Variants in VPS13C observed in about 807,000 individuals in gnomAD.
The protein encoded by VPS13C is intermembrane lipid transfer protein VPS13C.
Under a neutral mutation model 456.8 loss-of-function variants are expected in VPS13C, and 358 were observed. The observed-to-expected ratio is 0.78, with a 90% confidence interval of 0.72 to 0.86. The LOEUF is 0.86. Ranked by LOEUF, VPS13C falls within the 40% of genes least tolerant of loss-of-function variation. VPS13C has a pLI of 0.00. For missense variants in VPS13C, 4,818 were observed against 4,385.4 expected, an observed-to-expected ratio of 1.10 and a Z score of -2.79; for synonymous variants, 1,578 against 1,486.7, an observed-to-expected ratio of 1.06 and a Z score of -1.41.
chr15:62,001,111 G>A (rs1306422828), intron 15 of VPS13C, among the ~76,000 whole-genome samples: 1 of 152,156 alleles, frequency 6.6e-6, no homozygotes, highest in African/African-American at 2.4e-5. Flanking sequence ...AAAAGTACGT[G>A]GGGGAATCCA....
chr15:61,864,490 A>G, intron 81 of VPS13C: 3 of 823,702 alleles, frequency 3.6e-6, no homozygotes, highest in Non-Finnish European at 4.4e-6. Context: ...ACATAAATAT[A>G]CTGAATAAAT....
Position 61,984,833 on chromosome 15 carries a change from T to G in VPS13C, c.1721+24A>C, listed in dbSNP as rs777562391. ...TAAAACTATAACTAAAAGTAAAAATTGAAATAAGTTTTTAAAAACTTACTT... is the reference window on the plus strand; with the variant it reads ...TAAAACTATAACTAAAAGTAAAAATGGAAATAAGTTTTTAAAAACTTACTT... On this transcript the variant is annotated intron_variant, in intron 19 of 84. Coordinates refer to ENST00000644861, the MANE Select transcript of VPS13C (RefSeq NM_020821.3). The G allele has an allele frequency of 4.4e-6, 7 of 1,608,078 alleles. No homozygotes were observed. In the East Asian group the frequency reaches 1.3e-4, roughly 31 times the overall value.
At chr15:61,882,549 G>A (rs1429293151) in intron 69 of VPS13C, 47 bp downstream of exon 69, 6 of 1,430,256 alleles carry the variant, frequency 4.2e-6, no homozygotes, top group Non-Finnish European at 5.5e-6. Flanking sequence ...TCATTCCCAA[G>A]ATTCCCAAAG....
chr15:61,926,218 G>C (rs777713225), intron 52 of VPS13C, among the ~76,000 whole-genome samples: 2 of 152,068 alleles, frequency 1.3e-5, no homozygotes, highest in Non-Finnish European at 2.9e-5. Context: ...GCACAATATA[G>C]CAAGACCCCC....
chr15:62,046,404 C>A (rs922746749), intron 1 of VPS13C, among the ~76,000 whole-genome samples: 3 of 152,118 alleles, frequency 2.0e-5, no homozygotes, highest in African/African-American at 7.2e-5. Flanking sequence ...ATTATATATG[C>A]ACTAAAATTA....
chr15:61,891,566 T>C (rs2042651964), intron 66 of VPS13C, among the ~76,000 whole-genome samples: 1 of 152,220 alleles, frequency 6.6e-6, no homozygotes, highest in East Asian at 1.9e-4. Context: ...ATCTGACTCT[T>C]GTTTTTCATC....
Position 61,972,735 on chromosome 15 carries a change from C to T in VPS13C, c.2647G>A (p.Asp883Asn), listed in dbSNP as rs754790950. 1.9e-6 allele frequency: 3 copies of T among 1,612,282 alleles called. No homozygotes were observed. The highest frequency in any genetic ancestry group is 2.2e-5 in the East Asian group (1 of 44,842). ...ESDDEYFDAEDGEPQTCKSMK... is the reference protein window; with the variant it reads ...ESDDEYFDAENGEPQTCKSMK... ...CTTTTACAAGTCTGTGGTTCTCCAT[C>T]TTCAGCATCAAAATACTCATCATCA... is the stretch of plus-strand genomic sequence containing the variant. The change falls in exon 27 of 85, where the codon GAT (aspartate) becomes AAT (asparagine). Residue 883 changes from aspartate to asparagine, a missense_variant. Transcript: ENST00000644861.
At chr15:62,028,278 T>C in intron 6 of VPS13C, 80 bp downstream of exon 6, 3 of 1,454,386 alleles carry the variant, frequency 2.1e-6, no homozygotes, top group Non-Finnish European at 2.9e-6. Flanking sequence ...TGGCATGCCA[T>C]CAAATGGACT....
At chr15:62,058,010 C>G (rs2048856790) in intron 1 of VPS13C, among the ~76,000 whole-genome samples, 1 of 152,064 alleles carries the variant, frequency 6.6e-6, no homozygotes, top group Non-Finnish European at 1.5e-5. Context: ...GTAAATATGG[C>G]ATAATATTAT....
chr15:62,058,897 A>G (rs184070021), intron 1 of VPS13C, among the ~76,000 whole-genome samples: 36 of 150,264 alleles, frequency 2.4e-4, no homozygotes, highest in Admixed American at 2.3e-3. Context: ...AGCCTTGGCA[A>G]CAGAGCAAGT....
chr15:61,880,167 C>T (rs532113937), intron 73 of VPS13C, among the ~76,000 whole-genome samples: 1 of 152,162 alleles, frequency 6.6e-6, no homozygotes, highest in East Asian at 1.9e-4. Context: ...ATCCAATTTT[C>T]CACTCCCTTA....
intron 61 of VPS13C, among the ~76,000 whole-genome samples, chr15:61,913,748 CAT>C (rs1485573377): frequency 6.6e-6 from 1 of 152,100 alleles, no homozygotes; most frequent in African/African-American, 2.4e-5. Flanking sequence ...AGACTTATGA[CAT>C]AGAGCTAACA....
In VPS13C at chr15:61,910,208, T is replaced by C; in HGVS notation, c.8813A>G (p.Asp2938Gly). The change falls in exon 64 of 85, where the codon GAT becomes GGT. Residue 2938 changes from aspartate to glycine, a missense_variant. By Grantham distance (94) the Asp-to-Gly change is moderately conservative. This residue lies in a region of VPS13C where 4,552 missense variants were observed against 4,130.6 expected (regional missense o/e 1.10). Transcript: ENST00000644861. ...TTCTAAGCTCAATAAAGTGCCATTA[T>C]CCTGTCGGTTATAAAAGAATGGTTT... ...SSKPFFYNRQDNGTLLSLEDL... is the reference protein window; with the variant it reads ...SSKPFFYNRQGNGTLLSLEDL... 2 of 1,478,732 alleles carry C rather than the reference T, an allele frequency of 1.4e-6. No homozygotes were observed. Among genetic ancestry groups the C allele is most frequent in the Non-Finnish European group, 1.8e-6 (2 of 1,105,482 alleles). 91.6% of individuals were successfully genotyped at this position (1,478,732 alleles called of 1,614,324 possible).
intron 1 of VPS13C, among the ~76,000 whole-genome samples, chr15:62,059,408 G>A (rs2048914026): frequency 6.6e-6 from 1 of 152,164 alleles, no homozygotes. Flanking sequence ...ACCTTTTGTG[G>A]AGTGAGAAAG....
Position 61,967,350 on chromosome 15 carries a change from T to C in VPS13C, c.2991+18A>G, listed in dbSNP as rs373619952. 1.3e-6 allele frequency: 2 copies of C among 1,582,578 alleles called. No homozygotes were observed. The highest frequency in any genetic ancestry group is 2.7e-5 in the African/African-American group (2 of 73,204). ...TTTGGAGTAAACAATAAATATATAA[T>C]CATTCTATAGCCCTTACCTTAATAT... On this transcript the variant is annotated intron_variant, in intron 29 of 84. Transcript: ENST00000644861.
intron 66 of VPS13C, among the ~76,000 whole-genome samples, chr15:61,905,064 G>A (rs2043115546): frequency 1.3e-5 from 2 of 152,104 alleles, no homozygotes; most frequent in South Asian, 4.1e-4. Context: ...GTGTTAGCTA[G>A]TACAGTAGGG....
At chr15:61,928,277 A>G (rs1299225031) in intron 51 of VPS13C, among the ~76,000 whole-genome samples, 1 of 152,160 alleles carries the variant, frequency 6.6e-6, no homozygotes. Flanking sequence ...ATAAGTATAT[A>G]TTATATTGCA....
intron 67 of VPS13C, among the ~76,000 whole-genome samples, chr15:61,885,193 C>T (rs962180072): frequency 6.6e-6 from 1 of 152,096 alleles, no homozygotes. Context: ...GAGATTCAAA[C>T]ATTAGCTGTC....
Position 61,920,553 on chromosome 15 carries a change from G to C in VPS13C, c.7157C>G (p.Thr2386Arg). The C allele has an allele frequency of 1.3e-6, 2 of 1,578,378 alleles. No homozygotes were observed. The highest frequency in any genetic ancestry group is 1.7e-6 in the Non-Finnish European group (2 of 1,168,300). The change falls in exon 56 of 85, where the codon ACA (threonine) becomes AGA (arginine). Residue 2386 changes from threonine to arginine, a missense_variant. Physicochemically the swap from Thr to Arg is moderately conservative, Grantham distance 71. This residue lies in a region of VPS13C where 4,552 missense variants were observed against 4,130.6 expected (regional missense o/e 1.10). Coordinates refer to ENST00000644861, the MANE Select transcript of VPS13C (RefSeq NM_020821.3). ...QMAIHISSGN[T>R]MNITISKSCL... is the part of the protein sequence containing the mutation. ...ACTTTTGGATATTGTTATATTCATT[G>C]TATTTCCTGAAGAAATATGAATTGC...
Sources: gnomAD v4.1 joint callset for allele counts (sites outside exome capture counted in the v4.1 genomes callset) on GRCh38, gnomAD v4.1.1 for gene constraint, gnomAD v4.1.1 regional missense constraint, MANE v1.5 for transcripts, NCBI Gene and HGNC (gene_info 2026-07-23, HGNC 2026-07-21) for gene names.